The following MEOX2 variants were observed in gnomAD, a reference collection of about 807,000 sequenced individuals.
The protein encoded by MEOX2 is homeobox protein MOX-2.
MEOX2 carries 11 observed loss-of-function variants against 27.0 expected under a neutral mutation model. The observed-to-expected ratio is 0.41, with a 90% CI of 0.26 to 0.68. The LOEUF (loss-of-function observed/expected upper bound fraction) is 0.68, where lower values mean the gene tolerates loss of function less well. Ranked by LOEUF, MEOX2 falls within the 30% of genes least tolerant of loss-of-function variation. The probability of loss-of-function intolerance (pLI) is 0.33; values close to 1 mark genes in which losing one functional copy is unlikely to be tolerated. For synonymous variants in MEOX2, 189 were observed against 155.4 expected (o/e 1.22, Z -1.61); for missense variants, 436 against 385.4 (o/e 1.13, Z -1.10).
chr7:15,612,028 C>T lies in MEOX2; in HGVS notation c.*359G>A, dbSNP rs1781040984. 1.6e-5 allele frequency: 4 copies of T among 257,410 alleles called. No homozygotes were observed. In the South Asian group the frequency reaches 1.8e-4, roughly 11 times the overall value. The allele number at this position is 257,410 out of a possible 1,614,324, so 15.9% of individuals were successfully genotyped here. A position where few individuals can be genotyped will look rare whatever the true frequency, so the allele number is the denominator to read the frequency against. The stretch of plus-strand genomic sequence containing the variant: ...GGAATGTTCAATGCAAGTTCATCCT[C>T]GGCATCTTCACTCTGGAGACATCTT... On this transcript the variant is annotated 3_prime_UTR_variant, in exon 3 of 3. Transcript: ENST00000262041.
intron 1 of MEOX2, among the ~76,000 whole-genome samples, chr7:15,653,550 A>G (rs1781773283): frequency 6.6e-6 from 1 of 152,022 alleles, no homozygotes; most frequent in Non-Finnish European, 1.5e-5. Context: ...ACAACTCTTC[A>G]CCAAGCTCTA....
At chr7:15,662,521 A>T (rs1781933615) in intron 1 of MEOX2, among the ~76,000 whole-genome samples, 2 of 152,240 alleles carry the variant, frequency 1.3e-5, no homozygotes, top group South Asian at 4.1e-4. Flanking sequence ...AAAATAAAAG[A>T]ATAGAGACAA....
intron 1 of MEOX2, chr7:15,668,237 C>T (rs1276102169): frequency 6.6e-6 from 1 of 152,262 alleles, no homozygotes; most frequent in Admixed American, 6.5e-5. Flanking sequence ...TCAGCCTGCT[C>T]AACCTGACGG....
At chr7:15,658,755 G>C (rs1781864081) in intron 1 of MEOX2, among the ~76,000 whole-genome samples, 2 of 152,118 alleles carry the variant, frequency 1.3e-5, no homozygotes. Flanking sequence ...TGCATGTGAG[G>C]ACATAGTGAG....
rs747558263 is a variant in MEOX2, at chr7:15,618,262, T to C, written c.691-5651A>G. Reference sequence around the variant, plus strand: ...ATAAAAAATAGACACACCTTTTAGTTATTTTAAGTAAAATATTGTTTACTC... The same window carrying C: ...ATAAAAAATAGACACACCTTTTAGTCATTTTAAGTAAAATATTGTTTACTC... On this transcript the variant is annotated intron_variant, in intron 2 of 2. Coordinates refer to ENST00000262041, the MANE Select transcript of MEOX2 (RefSeq NM_005924.5). Among the ~76,000 whole-genome samples the C allele has an allele frequency of 2.9e-4, 44 of 152,208 alleles. No individual in the cohort carries two copies. The Middle Eastern group carries it at 0.017, about 59-fold the overall frequency.
chr7:15,658,258 G>A (rs1175025973), intron 1 of MEOX2, among the ~76,000 whole-genome samples: 1 of 152,142 alleles, frequency 6.6e-6, no homozygotes, highest in East Asian at 1.9e-4. Flanking sequence ...GGAGGTGGGA[G>A]GAAGATTGGG....
chr7:15,625,242 T>C (rs1781284093), intron 2 of MEOX2, among the ~76,000 whole-genome samples: 1 of 152,104 alleles, frequency 6.6e-6, no homozygotes, highest in African/African-American at 2.4e-5. Flanking sequence ...TATTTTCCGT[T>C]CCCTGTTTAA....
chr7:15,655,569 T>G (rs2115379900), intron 1 of MEOX2, among the ~76,000 whole-genome samples: 1 of 151,916 alleles, frequency 6.6e-6, no homozygotes, highest in Middle Eastern at 3.4e-3. Flanking sequence ...CAATGTTGTA[T>G]TTTCATTTTC....
chr7:15,626,709 T>A, intron 2 of MEOX2, 37 bp downstream of exon 2: 2 of 1,513,918 alleles, frequency 1.3e-6, no homozygotes, highest in Non-Finnish European at 1.8e-6. Flanking sequence ...CCCAGGGCAA[T>A]TAAAAAAGAT....
intron 1 of MEOX2, among the ~76,000 whole-genome samples, chr7:15,649,375 C>A (rs146354578): frequency 8.5e-4 from 129 of 151,934 alleles, no homozygotes; most frequent in African/African-American, 2.9e-3. Flanking sequence ...TCAAAAATAG[C>A]TAAAACATCG....
chr7:15,638,994 T>C (rs999232369), intron 1 of MEOX2, among the ~76,000 whole-genome samples: 3 of 152,122 alleles, frequency 2.0e-5, no homozygotes, highest in African/African-American at 7.2e-5. Flanking sequence ...TTTGGGTAGA[T>C]ACCCGGTAGT....
At chr7:15,633,062 A>C (rs146816135) in intron 1 of MEOX2, among the ~76,000 whole-genome samples, 1 of 151,884 alleles carries the variant, frequency 6.6e-6, no homozygotes, top group African/African-American at 2.4e-5. Flanking sequence ...AGCTCCCTTC[A>C]AACTCCTTTT....
In MEOX2 at chr7:15,640,108, T is replaced by G. The variant is rs116038075; in HGVS notation, c.518-13190A>C. Reference sequence around the variant, plus strand: ...ATTTTAATGATATTGATTCTTCCTATCCATGGGATGTTTTTCCATTTGTTT... The same window carrying G: ...ATTTTAATGATATTGATTCTTCCTAGCCATGGGATGTTTTTCCATTTGTTT... On this transcript the variant is annotated intron_variant, in intron 1 of 2. Transcript: ENST00000262041. Among the ~76,000 whole-genome samples the G allele has an allele frequency of 4.4e-3, 670 of 152,230 alleles. 4 individuals carry two copies. The highest frequency in any genetic ancestry group is 0.015 in the African/African-American group (643 of 41,560).
intron 1 of MEOX2, among the ~76,000 whole-genome samples, chr7:15,653,360 T>C (rs1781769625): frequency 6.6e-6 from 1 of 152,050 alleles, no homozygotes; most frequent in Non-Finnish European, 1.5e-5. Context: ...GAGAGTTCTT[T>C]ATGTATTTTT....
intron 1 of MEOX2, among the ~76,000 whole-genome samples, chr7:15,657,307 A>C (rs1301660971): frequency 6.6e-6 from 1 of 152,240 alleles, no homozygotes; most frequent in East Asian, 1.9e-4. Context: ...CCTCCCCGTC[A>C]GGAATTCCAA....
At chr7:15,635,885 G>T (rs951718560) in intron 1 of MEOX2, among the ~76,000 whole-genome samples, 5 of 151,918 alleles carry the variant, frequency 3.3e-5, no homozygotes, top group African/African-American at 1.2e-4. Context: ...ACTTTACAAG[G>T]CTTAGTGGTA....
At chr7:15,630,212 C>G (rs1328562321) in intron 1 of MEOX2, among the ~76,000 whole-genome samples, 1 of 152,068 alleles carries the variant, frequency 6.6e-6, no homozygotes, top group Non-Finnish European at 1.5e-5. Flanking sequence ...GTTCCCTAAC[C>G]TTTTGCTCCC....
At chr7:15,678,691 T>C (rs1782242614) in intron 1 of MEOX2, among the ~76,000 whole-genome samples, 1 of 152,198 alleles carries the variant, frequency 6.6e-6, no homozygotes, top group Non-Finnish European at 1.5e-5. Context: ...CAAATAACTA[T>C]CACTTTGCAA....
At chr7:15,627,828 T>TACACACACACACACACA in intron 1 of MEOX2, among the ~76,000 whole-genome samples, 1 of 23,826 alleles carries the variant, frequency 4.2e-5, no homozygotes, top group African/African-American at 1.6e-4. Context: ...CACACACACG[T>TACACACACACACACACA]CAAGTAAAAA....
Sources: allele counts gnomAD v4.1 joint callset (sites outside exome capture counted in the v4.1 genomes callset), GRCh38; gene constraint gnomAD v4.1.1; transcripts MANE v1.5; gene names NCBI Gene and HGNC (gene_info 2026-07-23, HGNC 2026-07-21).